Variants in MAGI2 observed in about 807,000 individuals in gnomAD.
MAGI2 encodes the protein membrane associated guanylate kinase, WW and PDZ domain containing 2.
In MAGI2, 35 loss-of-function variants were observed where a neutral mutation model predicts 133.3. The ratio of observed to expected loss-of-function variants is 0.26; its 90% confidence interval spans 0.20 to 0.35. The LOEUF (loss-of-function observed/expected upper bound fraction) is 0.35, where lower values mean the gene tolerates loss of function less well. Ranked by LOEUF, MAGI2 falls within the 10% of genes least tolerant of loss-of-function variation. MAGI2 has a pLI of 1.00. For missense variants in MAGI2, 1,636 were observed against 1,863.4 expected (o/e 0.88, Z 2.25); for synonymous variants, 729 against 710.6 (o/e 1.03, Z -0.41).
At chr7:78,944,508 C>CAA (rs1801246470) in intron 2 of MAGI2, among the ~76,000 whole-genome samples, 1 of 152,008 alleles carries the variant, frequency 6.6e-6, no homozygotes, top group African/African-American at 2.4e-5. Flanking sequence ...GGTCTGCATT[C>CAA]CCCTCCATAA....
intron 16 of MAGI2, among the ~76,000 whole-genome samples, chr7:78,135,957 C>T (rs575127558): frequency 3.3e-5 from 5 of 151,420 alleles, no homozygotes; most frequent in African/African-American, 1.2e-4. Flanking sequence ...TTATATGCCA[C>T]GGGAAAAAAA....
At chr7:79,073,948 T>G (rs111861417) in intron 1 of MAGI2, among the ~76,000 whole-genome samples, 4 of 152,258 alleles carry the variant, frequency 2.6e-5, no homozygotes, top group East Asian at 1.9e-4. Flanking sequence ...TAAATGCCAC[T>G]TCTTTCAGAG....
intron 2 of MAGI2, among the ~76,000 whole-genome samples, chr7:78,897,499 C>G (rs1428588365): frequency 6.6e-6 from 1 of 151,994 alleles, no homozygotes; most frequent in Non-Finnish European, 1.5e-5. Flanking sequence ...TTAAACATAA[C>G]CATTATTAAA....
At chr7:78,749,545 T>C (rs971124767) in intron 2 of MAGI2, among the ~76,000 whole-genome samples, 1 of 152,104 alleles carries the variant, frequency 6.6e-6, no homozygotes, top group Non-Finnish European at 1.5e-5. Flanking sequence ...CATTTAAACA[T>C]GTCAATGAGA....
intron 1 of MAGI2, among the ~76,000 whole-genome samples, chr7:79,035,472 T>A (rs1811044032): frequency 1.3e-5 from 2 of 152,178 alleles, no homozygotes; most frequent in Non-Finnish European, 2.9e-5. Context: ...AACACTACCC[T>A]GTTAGCAAAT....
intron 1 of MAGI2, among the ~76,000 whole-genome samples, chr7:79,147,155 G>A (rs1220661747): frequency 6.6e-6 from 1 of 152,144 alleles, no homozygotes; most frequent in Non-Finnish European, 1.5e-5. Flanking sequence ...ATTTTGACGA[G>A]GATTCAGTAA....
At chr7:78,252,710 G>C (rs900388124) in intron 10 of MAGI2, 1 of 151,984 alleles carries the variant, frequency 6.6e-6, no homozygotes, top group Non-Finnish European at 1.5e-5. Context: ...GGGAGGCTGA[G>C]GTGGGTGGAT....
chr7:79,068,025 T>A (rs1814545551), intron 1 of MAGI2, among the ~76,000 whole-genome samples: 1 of 152,216 alleles, frequency 6.6e-6, no homozygotes, highest in Non-Finnish European at 1.5e-5. Context: ...GATTGAGGAT[T>A]TTCACATCGA....
At chr7:79,425,760 G>T (rs1418559303) in intron 1 of MAGI2, among the ~76,000 whole-genome samples, 1 of 151,588 alleles carries the variant, frequency 6.6e-6, no homozygotes, top group African/African-American at 2.4e-5. Flanking sequence ...GACACATACA[G>T]ACAAAATAGA....
chr7:78,089,625 C>T (rs1816986448), intron 20 of MAGI2, among the ~76,000 whole-genome samples: 1 of 152,136 alleles, frequency 6.6e-6, no homozygotes, highest in Non-Finnish European at 1.5e-5. Context: ...GGAGTGGCGT[C>T]AGGGTTACTG....
chr7:79,216,002 A>C (rs1830005817), intron 1 of MAGI2, among the ~76,000 whole-genome samples: 1 of 151,804 alleles, frequency 6.6e-6, no homozygotes, highest in Admixed American at 6.6e-5. Context: ...AAGCCTGGAA[A>C]CCCGCAGCGC....
At chr7:79,067,606 T>C (rs552485683) in intron 1 of MAGI2, among the ~76,000 whole-genome samples, 6 of 152,210 alleles carry the variant, frequency 3.9e-5, no homozygotes, top group Non-Finnish European at 8.8e-5. Flanking sequence ...TTCTTTCTCT[T>C]GCCTGATCAT....
At chr7:79,357,816 T>C (rs545186303) in intron 1 of MAGI2, among the ~76,000 whole-genome samples, 1 of 152,284 alleles carries the variant, frequency 6.6e-6, no homozygotes, top group South Asian at 2.1e-4. Context: ...CCTCTTTGAA[T>C]TTTATTTTTT....
At chr7:78,279,837 C>A (rs930566317) in intron 9 of MAGI2, among the ~76,000 whole-genome samples, 2 of 152,138 alleles carry the variant, frequency 1.3e-5, no homozygotes, top group Non-Finnish European at 2.9e-5. Flanking sequence ...ATAGCAGGAT[C>A]TGTCATTAAC....
intron 1 of MAGI2, among the ~76,000 whole-genome samples, chr7:79,389,926 T>C (rs568139147): frequency 1.1e-4 from 16 of 152,306 alleles, no homozygotes; most frequent in Non-Finnish European, 2.1e-4. Context: ...ATTCAAATGC[T>C]ATGAGGAGTT....
intron 1 of MAGI2, among the ~76,000 whole-genome samples, chr7:79,278,427 C>A (rs1835399585): frequency 6.6e-6 from 1 of 152,090 alleles, no homozygotes. Flanking sequence ...ACACACTCAC[C>A]CCATTGTTTA....
At position 78,113,777 on chromosome 7, in the gene MAGI2, TAATA is replaced by T. The variant is rs142172924; in HGVS notation, c.3567+11913_3567+11916del. ...CATCAAGAGATGCATGCCTGTATTTTAATAAATAACAGTACAGGCCTTGGGGAGA... is the reference window on the plus strand; with the variant it reads ...CATCAAGAGATGCATGCCTGTATTTTAATAACAGTACAGGCCTTGGGGAGA... On this transcript the variant is annotated intron_variant, in intron 20 of 21. Coordinates refer to ENST00000354212, the MANE Select transcript of MAGI2 (RefSeq NM_012301.4). Among the ~76,000 whole-genome samples, 463 of 152,332 alleles carry T rather than the reference TAATA, an allele frequency of 3.0e-3. 1 individual carries two copies. Among genetic ancestry groups the T allele is most frequent in the African/African-American group, 0.01 (432 of 41,562 alleles).
chr7:78,751,550 G>A (rs1012577474), intron 2 of MAGI2, among the ~76,000 whole-genome samples: 1 of 152,168 alleles, frequency 6.6e-6, no homozygotes, highest in Non-Finnish European at 1.5e-5. Flanking sequence ...AATGAAATAT[G>A]ATGGCTACTA....
chr7:78,459,749 G>T (rs543930521), intron 6 of MAGI2, among the ~76,000 whole-genome samples: 1 of 152,238 alleles, frequency 6.6e-6, no homozygotes, highest in East Asian at 1.9e-4. Flanking sequence ...AATAAGCAAA[G>T]GTTTTAAGAC....
Sources: allele counts gnomAD v4.1 joint callset (sites outside exome capture counted in the v4.1 genomes callset), GRCh38; gene constraint gnomAD v4.1.1; transcripts MANE v1.5; gene names NCBI Gene and HGNC (gene_info 2026-07-23, HGNC 2026-07-21).